Variants in SLC5A10 observed in about 807,000 individuals in gnomAD.
SLC5A10 encodes the protein sodium/mannose cotransporter SLC5A10.
In SLC5A10, 55 loss-of-function variants were observed where a neutral mutation model predicts 68.9. The ratio of observed to expected loss-of-function variants is 0.80; its 90% CI spans 0.64 to 1.00. SLC5A10 has a LOEUF of 1.00. SLC5A10 is among the 50% of genes least tolerant of loss of function. The pLI, the probability that SLC5A10 is intolerant of heterozygous loss-of-function variation, is 0.00. For missense variants in SLC5A10, 732 were observed against 819.3 expected, an observed-to-expected ratio of 0.89 and a Z score of 1.30; for synonymous variants, 344 against 344.8, an observed-to-expected ratio of 1.00 and a Z score of 0.02.
intron 8 of SLC5A10, among the ~76,000 whole-genome samples, chr17:18,972,160 T>C (rs1028086685): frequency 6.6e-6 from 1 of 152,150 alleles, no homozygotes; most frequent in Non-Finnish European, 1.5e-5. Context: ...CTGCTTCCTG[T>C]CTCTGGGCAG....
At chr17:19,001,573 TAGAC>T (rs1473839085) in intron 9 of SLC5A10, among the ~76,000 whole-genome samples, 1 of 152,236 alleles carries the variant, frequency 6.6e-6, no homozygotes. Flanking sequence ...TATGTCACCT[TAGAC>T]AGGTGACAGC....
rs2042590105 is a variant in SLC5A10 at position 18,960,465 on chromosome 17, G to A, written c.349-83G>A. 4 of 1,204,742 alleles carry A rather than the reference G, an allele frequency of 3.3e-6. No homozygotes were observed. The African/African-American group carries it at 4.5e-5, about 13-fold the overall frequency. The allele number at this position is 1,204,742 out of a possible 1,614,324, so 74.6% of individuals were successfully genotyped here. A position where few individuals can be genotyped will look rare whatever the true frequency, so the allele number is the denominator to read the frequency against. On this transcript the variant is annotated intron_variant, in intron 4 of 14. Transcript: ENST00000395645. ...GCAGCTGCTTTGTGGCGGGGGGAGA[G>A]GCAGAGTGATTGAGACAGGCCCTGC... is the stretch of plus-strand genomic sequence containing the variant.
intron 1 of SLC5A10, among the ~76,000 whole-genome samples, chr17:18,956,196 AAAATAAATAAAT>A (rs71155382): frequency 0.079 from 11,346 of 143,828 alleles, 614 homozygotes; most frequent in Non-Finnish European, 0.12. Flanking sequence ...CTCTGTCTCA[AAAATAAATAAAT>A]AAATAAATAA....
chr17:19,020,510 C>A lies in SLC5A10; in HGVS notation c.*79C>A. ...TTCCCTCATGGGGATCCCGAGGCCC[C>A]AAGAGGGGCAGATTCCCCTCACAGC... On this transcript the variant is annotated 3_prime_UTR_variant, in exon 15 of 15. Transcript: ENST00000395645. The A allele has an allele frequency of 7.3e-7, 1 of 1,361,808 alleles. No individual in the cohort carries two copies. 84.4% of individuals were successfully genotyped at this position (1,361,808 alleles called of 1,614,324 possible).
intron 1 of SLC5A10, among the ~76,000 whole-genome samples, chr17:18,957,253 G>A (rs187631060): frequency 2.8e-3 from 431 of 152,256 alleles, no homozygotes; most frequent in South Asian, 0.012. Flanking sequence ...CAGGTAACAC[G>A]GCCAGGAAGC....
Position 18,971,283 on chromosome 17 carries a change from G to A in SLC5A10, c.846+65G>A. 6.2e-7 allele frequency: 1 copy of A among 1,610,068 alleles called. No individual in the cohort carries two copies. On this transcript the variant is annotated intron_variant, in intron 8 of 14. Coordinates refer to ENST00000395645, the MANE Select transcript of SLC5A10 (RefSeq NM_001042450.4). The surrounding 1 kb of genome is among the most constrained non-coding windows in gnomAD (Gnocchi z 5.5). The stretch of plus-strand genomic sequence containing the variant: ...GTCCCAGTGGGCTCTGGTAGGCCCA[G>A]GCGGCCTGTCTGCCCTCCGCGTCAT...
intron 9 of SLC5A10, among the ~76,000 whole-genome samples, chr17:18,984,382 A>AT: frequency 6.6e-6 from 1 of 150,972 alleles, no homozygotes; most frequent in African/African-American, 2.4e-5. Flanking sequence ...CCCTGAATCC[A>AT]CCACAGACCC....
rs1194847648 is a variant in SLC5A10 at position 19,004,162 on chromosome 17, T to C, written c.983-9248T>C. 7 of 936,616 alleles carry C rather than the reference T, an allele frequency of 7.5e-6. No homozygotes were observed. Among genetic ancestry groups the C allele is most frequent in the Admixed American group, 3.1e-5 (1 of 32,110 alleles). The allele number at this position is 936,616 out of a possible 1,614,324, so 58.0% of individuals were successfully genotyped here. Reference sequence around the variant, plus strand: ...TCCGCGGCCTCTGCTTCTCTGCCCATGAGCAATCTGCGGGAAAGACCTGAT... The same window carrying C: ...TCCGCGGCCTCTGCTTCTCTGCCCACGAGCAATCTGCGGGAAAGACCTGAT... On this transcript the variant is annotated intron_variant, in intron 9 of 14. Coordinates refer to ENST00000395645, the MANE Select transcript of SLC5A10 (RefSeq NM_001042450.4). This position sits in a 1 kb window ranked among gnomAD's most constrained non-coding sequence, Gnocchi z 5.4.
chr17:19,014,706 C>A (rs1345039247), intron 10 of SLC5A10, among the ~76,000 whole-genome samples: 16 of 152,212 alleles, frequency 1.1e-4, no homozygotes, highest in Admixed American at 1.0e-3. Context: ...CGGACGAAGG[C>A]ATGGGTGTGA....
rs372209873 is a variant in SLC5A10, at chr17:19,017,342, G to A, written c.1242-2081G>A. ...AAGCCGTCTCAGCTTCCTCCTGCCC[G>A]AAACACCACCATTGGAGCGGTATCT... On this transcript the variant is annotated intron_variant, in intron 11 of 14. Transcript: ENST00000395645. This position sits in a 1 kb window ranked among gnomAD's most constrained non-coding sequence, Gnocchi z 5.6. 99 of 1,551,848 alleles carry A rather than the reference G, an allele frequency of 6.4e-5. No individual in the cohort carries two copies. In the African/African-American group the frequency reaches 1.2e-3, roughly 18 times the overall value.
At chr17:19,012,800 G>A (rs948896226) in intron 9 of SLC5A10, among the ~76,000 whole-genome samples, 1 of 152,224 alleles carries the variant, frequency 6.6e-6, no homozygotes, top group Non-Finnish European at 1.5e-5. Flanking sequence ...GGACCCCAGG[G>A]TTGGAGACAG....
At position 18,971,203 on chromosome 17, in the gene SLC5A10, C is replaced by T. The variant is rs758980875; in HGVS notation, c.831C>T (p.Tyr277=). Residue 277 remains tyrosine (Y), a synonymous_variant, in exon 8 of 15, where the codon TAC becomes TAT. Coordinates refer to ENST00000395645, the MANE Select transcript of SLC5A10 (RefSeq NM_001042450.4). The surrounding 1 kb of genome is among the most constrained non-coding windows in gnomAD (Gnocchi z 5.5). ...TFGLTIMATW[Y]WCTDQVIVQR... ...GCCTGACCATCATGGCCACCTGGTA[C>T]TGGTGCACCGACCAGGTGAGTGCCA... 6.2e-6 allele frequency: 10 copies of T among 1,613,966 alleles called. No individual in the cohort carries two copies. In the South Asian group the frequency reaches 8.8e-5, roughly 14 times the overall value.
In SLC5A10 at chr17:19,018,577, T is replaced by G. The variant is rs1049305634; in HGVS notation, c.1242-846T>G. ...CCTACGCAGGTGAGCACCTCACCAG[T>G]GGTTTGTTGGATGAACAAGTGTAGC... On this transcript the variant is annotated intron_variant, in intron 11 of 14. Coordinates refer to ENST00000395645, the MANE Select transcript of SLC5A10 (RefSeq NM_001042450.4). The surrounding 1 kb of genome is among the most constrained non-coding windows in gnomAD (Gnocchi z 4.2). 4 of 152,214 alleles carry G rather than the reference T, an allele frequency of 2.6e-5. No individual in the cohort carries two copies. Among genetic ancestry groups the G allele is most frequent in the Admixed American group, 6.5e-5 (1 of 15,282 alleles). The allele number at this position is 152,214 out of a possible 1,614,324, so 9.4% of individuals were successfully genotyped here. A position where few individuals can be genotyped will look rare whatever the true frequency, so the allele number is the denominator to read the frequency against.
At position 19,017,560 on chromosome 17, in the gene SLC5A10, G is replaced by A. The variant is rs901467294; in HGVS notation, c.1242-1863G>A. On this transcript the variant is annotated intron_variant, in intron 11 of 14. Coordinates refer to ENST00000395645, the MANE Select transcript of SLC5A10 (RefSeq NM_001042450.4). The surrounding 1 kb of genome is among the most constrained non-coding windows in gnomAD (Gnocchi z 5.6). ...CAGCTGAGCAGAGGCTGGAGGAGCC[G>A]TCACAGGCTGGGGGAGAGCGATGAC... The A allele has an allele frequency of 1.1e-5, 7 of 649,350 alleles. No homozygotes were observed. The highest frequency in any genetic ancestry group is 3.7e-5 in the African/African-American group (2 of 54,734). 40.2% of individuals were successfully genotyped at this position (649,350 alleles called of 1,614,324 possible).
In SLC5A10 at chr17:19,019,947, C is replaced by T; in HGVS notation, c.1626+19C>T. 6.3e-7 allele frequency: 1 copy of T among 1,577,140 alleles called. No homozygotes were observed. Among genetic ancestry groups the T allele is most frequent in the Non-Finnish European group, 8.6e-7 (1 of 1,161,196 alleles). ...TGTCCAGGTGAGCCAGCCCTGACCC[C>T]TGACCCTGACCCCTAACAATTTCTT... On this transcript the variant is annotated intron_variant, in intron 13 of 14. Coordinates refer to ENST00000395645, the MANE Select transcript of SLC5A10 (RefSeq NM_001042450.4).
At position 19,022,000 on chromosome 17, in the gene SLC5A10, C is replaced by T; in HGVS notation, c.*1569C>T. 6.3e-7 allele frequency: 1 copy of T among 1,590,236 alleles called. No homozygotes were observed. Among genetic ancestry groups the T allele is most frequent in the Non-Finnish European group, 8.6e-7 (1 of 1,169,296 alleles). ...TGCACGTAACTCCGTGGGAAGAAGC[C>T]AACGCGCCCGCAGGACCGGCCCCGC... On this transcript the variant is annotated 3_prime_UTR_variant, in exon 15 of 15. Coordinates refer to ENST00000395645, the MANE Select transcript of SLC5A10 (RefSeq NM_001042450.4). This position sits in a 1 kb window ranked among gnomAD's most constrained non-coding sequence, Gnocchi z 4.1.
At chr17:19,005,246 C>A (rs1693430278) in intron 9 of SLC5A10, among the ~76,000 whole-genome samples, 1 of 152,204 alleles carries the variant, frequency 6.6e-6, no homozygotes, top group Non-Finnish European at 1.5e-5. Flanking sequence ...AGTTCTCAGT[C>A]CTAAGCCCTG....
In SLC5A10 at chr17:19,013,500, T is replaced by G; in HGVS notation, c.1073T>G (p.Met358Arg). The change falls in exon 10 of 15, where the codon ATG becomes AGG. Residue 358 changes from methionine to arginine, a missense_variant. By Grantham distance (91) the Met-to-Arg change is moderately conservative. Coordinates refer to ENST00000395645, the MANE Select transcript of SLC5A10 (RefSeq NM_001042450.4). ...CSNIAYPKLV[M>R]ELMPIGLRGL... The stretch of plus-strand genomic sequence containing the variant: ...AACATCGCCTACCCCAAGCTGGTCA[T>G]GGAACTGATGCCCATCGGTGAGGCT... 6.6e-7 allele frequency: 1 copy of G among 1,513,520 alleles called. No homozygotes were observed. Among genetic ancestry groups the G allele is most frequent in the Non-Finnish European group, 8.8e-7 (1 of 1,131,158 alleles). The allele number at this position is 1,513,520 out of a possible 1,614,324, so 93.8% of individuals were successfully genotyped here. A position where few individuals can be genotyped will look rare whatever the true frequency, so the allele number is the denominator to read the frequency against.
chr17:18,960,645 A>G lies in SLC5A10; in HGVS notation c.446A>G (p.Lys149Arg), dbSNP rs1473885124. 6.2e-7 allele frequency: 1 copy of G among 1,613,878 alleles called. No individual in the cohort carries two copies. Among genetic ancestry groups the G allele is most frequent in the Admixed American group, 1.7e-5 (1 of 59,992 alleles). ...TCCCTGCTACTGTCTGTCTTCACCA[A>G]GATATCGGTGAGCTGCCCCCGGCTC... is the stretch of plus-strand genomic sequence containing the variant. Reference protein sequence around the residue: ...VLSLLLSVFTKISLDLYAGAL... With the variant: ...VLSLLLSVFTRISLDLYAGAL... The change falls in exon 5 of 15, where the codon AAG becomes AGG. Residue 149 changes from lysine (K) to arginine (R), a missense_variant. Lys to Arg is a conservative substitution (Grantham distance 26). Coordinates refer to ENST00000395645, the MANE Select transcript of SLC5A10 (RefSeq NM_001042450.4).
Sources: allele counts gnomAD v4.1 joint callset (sites outside exome capture counted in the v4.1 genomes callset), GRCh38; gene constraint gnomAD v4.1.1; non-coding constraint Gnocchi (gnomAD v3.1); transcripts MANE v1.5; gene names NCBI Gene and HGNC (gene_info 2026-07-23, HGNC 2026-07-21).